SLC28A3: variants seen among roughly 807,000 people sequenced by gnomAD.
The protein encoded by SLC28A3 is solute carrier family 28 member 3.
In SLC28A3, 68 loss-of-function variants were observed where a neutral mutation model predicts 84.2. The ratio of observed to expected loss-of-function variants is 0.81; its 90% CI spans 0.66 to 0.99. The LOEUF is 0.99. Among genes scored for constraint, SLC28A3 ranks in the 50% least tolerant of loss-of-function variants. The probability of loss-of-function intolerance (pLI) is 0.00; values close to 1 mark genes in which losing one functional copy is unlikely to be tolerated. For synonymous variants in SLC28A3, 267 were observed against 303.6 expected (o/e 0.88, Z 1.25); for missense variants, 712 against 841.5 (o/e 0.85, Z 1.90).
chr9:84,292,475 GTCTC>G lies in SLC28A3; in HGVS notation c.1023+189_1023+192del, dbSNP rs57280644. 1,071 of 371,034 alleles carry G rather than the reference GTCTC, an allele frequency of 2.9e-3. 2 individuals are homozygous for G. Among genetic ancestry groups the G allele is most frequent in the Middle Eastern group, 5.3e-3 (7 of 1,326 alleles). The allele number at this position is 371,034 out of a possible 1,614,324, so 23.0% of individuals were successfully genotyped here. Reference sequence around the variant, plus strand: ...TCTCTGTCTCTCTGTCTCTCTCTCTGTCTCTCTCTCTCTCTCTCTCTGTCTCTCT... The same window carrying G: ...TCTCTGTCTCTCTGTCTCTCTCTCTGTCTCTCTCTCTCTCTCTGTCTCTCT... On this transcript the variant is annotated intron_variant, in intron 10 of 17. Transcript: ENST00000376238.
chr9:84,312,064 C>G (rs1368566995), intron 2 of SLC28A3, among the ~76,000 whole-genome samples: 1 of 152,082 alleles, frequency 6.6e-6, no homozygotes, highest in Non-Finnish European at 1.5e-5. Context: ...TAGTTCATTT[C>G]TTTTTAGCGC....
At chr9:84,290,636 T>C (rs4877834) in intron 10 of SLC28A3, among the ~76,000 whole-genome samples, 27,185 of 152,044 alleles carry the variant, frequency 0.18, 2,942 homozygotes, top group African/African-American at 0.3. Context: ...AGGCTAGACA[T>C]AGAAGGCCTC....
intron 1 of SLC28A3, among the ~76,000 whole-genome samples, chr9:84,330,547 TAATTTA>T (rs1225650930): frequency 6.6e-6 from 1 of 152,230 alleles, no homozygotes; most frequent in Non-Finnish European, 1.5e-5. Flanking sequence ...TAATTTTAAC[TAATTTA>T]AATTTAAATT....
In SLC28A3 at chr9:84,322,946, A is replaced by G. The variant is rs1175419874; in HGVS notation, c.61-9492T>C. On this transcript the variant is annotated intron_variant, in intron 1 of 17. Coordinates refer to ENST00000376238, the MANE Select transcript of SLC28A3 (RefSeq NM_001199633.2). ...CAAGATGTTAGAAAAATAACTTTGG[A>G]AAGTCCTTTGATGAGGCAAGACAAG... Among the ~76,000 whole-genome samples, 5 of 152,240 alleles carry G rather than the reference A, an allele frequency of 3.3e-5. No individual in the cohort carries two copies. In the East Asian group the frequency reaches 9.6e-4, roughly 29 times the overall value.
chr9:84,330,599 G>A (rs1021539490), intron 1 of SLC28A3, among the ~76,000 whole-genome samples: 7 of 152,046 alleles, frequency 4.6e-5, no homozygotes, highest in Admixed American at 6.6e-5. Flanking sequence ...TTGAAAAACA[G>A]GCATGTTTAG....
chr9:84,354,039 T>C, the SLC28A3 span, among the ~76,000 whole-genome samples: 3 of 152,244 alleles, frequency 2.0e-5, no homozygotes, highest in South Asian at 2.1e-4. Flanking sequence ...TTTGTTAGTA[T>C]AGGAATGTGG....
chr9:84,341,759 T>G (rs1827162949), upstream of SLC28A3, among the ~76,000 whole-genome samples: 1 of 151,968 alleles, frequency 6.6e-6, no homozygotes, highest in African/African-American at 2.4e-5. Context: ...TTTATGAAAA[T>G]ATTAGCTGTA....
chr9:84,304,743 C>T (rs547782657), intron 4 of SLC28A3, among the ~76,000 whole-genome samples: 1 of 152,246 alleles, frequency 6.6e-6, no homozygotes, highest in African/African-American at 2.4e-5. Flanking sequence ...GCTGCTGGGC[C>T]CGGCACAGTG....
chr9:84,294,790 CGT>C (rs1397865644), intron 8 of SLC28A3, among the ~76,000 whole-genome samples: 2 of 152,232 alleles, frequency 1.3e-5, no homozygotes, highest in African/African-American at 4.8e-5. Flanking sequence ...ATGGTCTAAG[CGT>C]GTGTGTTTGG....
At chr9:84,310,336 A>G (rs940750382) in intron 2 of SLC28A3, 21 of 927,088 alleles carry the variant, frequency 2.3e-5, no homozygotes, top group Non-Finnish European at 2.7e-5. Flanking sequence ...TTTCATGGAC[A>G]ATCTTTCTAG....
chr9:84,321,138 C>T (rs1170206745), intron 1 of SLC28A3, among the ~76,000 whole-genome samples: 4 of 152,026 alleles, frequency 2.6e-5, no homozygotes, highest in South Asian at 2.1e-4. Context: ...TGTTTAGCCA[C>T]GGTGAACTGG....
chr9:84,285,486 C>T lies in SLC28A3; in HGVS notation c.1506G>A (p.Gln502=), dbSNP rs369752994. The T allele has an allele frequency of 5.0e-6, 8 of 1,614,080 alleles. No homozygotes were observed. Among genetic ancestry groups the T allele is most frequent in the Non-Finnish European group, 6.8e-6 (8 of 1,180,032 alleles). The change falls in exon 14 of 18, where the codon CAG becomes CAA. Residue 502 remains glutamine (Q), a synonymous_variant. Coordinates refer to ENST00000376238, the MANE Select transcript of SLC28A3 (RefSeq NM_001199633.2). The part of the protein sequence containing the change: ...PFSFMMGVEW[Q]DSFMVARLIG... ...TGAGTCTGGCAACCATAAAGCTGTC[C>T]TGCCATTCCACTCCCATCATGAAGG...
At chr9:84,298,054 G>A (rs1193457177) in intron 6 of SLC28A3, 35 bp from the exon 7 acceptor site, 2 of 1,535,478 alleles carry the variant, frequency 1.3e-6, no homozygotes, top group Non-Finnish European at 1.8e-6. Context: ...GTCTTAGTAG[G>A]AAAATTAATG....
chr9:84,364,120 C>CT, the SLC28A3 span, among the ~76,000 whole-genome samples: 707 of 85,102 alleles, frequency 8.3e-3, 12 homozygotes, highest in South Asian at 0.019. Context: ...CAGTTACACT[C>CT]TTTTTTTTTT....
At chr9:84,279,172 C>G in intron 17 of SLC28A3, 93 bp downstream of exon 17, 1 of 945,814 alleles carries the variant, frequency 1.1e-6, no homozygotes. Flanking sequence ...GACTCCGTCT[C>G]AAAAAAAAAA....
chr9:84,278,627 C>T (rs920727446), intron 17 of SLC28A3, among the ~76,000 whole-genome samples: 6 of 152,036 alleles, frequency 3.9e-5, no homozygotes, highest in Non-Finnish European at 7.4e-5. Context: ...TGTGTGGGAA[C>T]ACTGATTTTG....
At position 84,278,251 on chromosome 9, in the gene SLC28A3, G is replaced by A. The variant is rs776552849; in HGVS notation, c.2043C>T (p.Thr681=). 6.2e-7 allele frequency: 1 copy of A among 1,614,028 alleles called. No individual in the cohort carries two copies. Among genetic ancestry groups the A allele is most frequent in the Non-Finnish European group, 8.5e-7 (1 of 1,179,968 alleles). ...KGCCTLLNPS[T]FNCNGISNTF ...TATTAGAGATCCCATTGCAGTTAAA[G>A]GTCGATGGATTCAACAATGTGCAGC... Residue 681 remains threonine (T), a synonymous_variant, in exon 18 of 18, where the codon ACC becomes ACT. Coordinates refer to ENST00000376238, the MANE Select transcript of SLC28A3 (RefSeq NM_001199633.2).
the SLC28A3 span, among the ~76,000 whole-genome samples, chr9:84,361,778 T>C: frequency 6.6e-6 from 1 of 151,396 alleles, no homozygotes; most frequent in East Asian, 1.9e-4. Context: ...CTGGGCACAA[T>C]GGCTGACATC....
upstream of SLC28A3, among the ~76,000 whole-genome samples, chr9:84,341,282 C>T (rs1012065389): frequency 3.9e-5 from 6 of 152,016 alleles, no homozygotes; most frequent in Admixed American, 1.3e-4. Flanking sequence ...GAAAAGGACA[C>T]GTTCTCTATA....
Sources: gnomAD v4.1 joint callset for allele counts (sites outside exome capture counted in the v4.1 genomes callset) on GRCh38, gnomAD v4.1.1 for gene constraint, MANE v1.5 for transcripts, NCBI Gene and HGNC (gene_info 2026-07-23, HGNC 2026-07-21) for gene names.